Variants in STK33 observed in about 807,000 individuals in gnomAD.
The protein encoded by STK33 is serine/threonine kinase 33.
Under a neutral mutation model 58.0 loss-of-function variants are expected in STK33, and 52 were observed. The observed-to-expected ratio is 0.90, with a 90% confidence interval of 0.72 to 1.13. The LOEUF (loss-of-function observed/expected upper bound fraction) is 1.13, where lower values mean the gene tolerates loss of function less well. STK33 is among the 50% of genes most tolerant of loss of function. The pLI is 0.00. For missense variants in STK33, 630 were observed against 604.2 expected, an observed-to-expected ratio of 1.04 and a Z score of -0.45; for synonymous variants, 215 against 200.1, an observed-to-expected ratio of 1.07 and a Z score of -0.63.
chr11:8,423,640 C>T (rs1450769898), intron 14 of STK33, among the ~76,000 whole-genome samples: 1 of 151,978 alleles, frequency 6.6e-6, no homozygotes. Context: ...TAGGACAAGA[C>T]CAATTTTGGT....
intron 1 of STK33, among the ~76,000 whole-genome samples, chr11:8,537,824 A>T (rs1164437980): frequency 1.4e-5 from 2 of 145,080 alleles, no homozygotes; most frequent in Non-Finnish European, 3.0e-5. Flanking sequence ...AAAAAAAAAA[A>T]TTAAAAAAAT....
intron 1 of STK33, among the ~76,000 whole-genome samples, chr11:8,508,926 G>C (rs566424860): frequency 6.6e-6 from 1 of 152,126 alleles, no homozygotes; most frequent in South Asian, 2.1e-4. Flanking sequence ...AGACCAGCCT[G>C]ACCAACATAG....
chr11:8,569,223 G>C (rs1957641560), intron 1 of STK33, among the ~76,000 whole-genome samples: 1 of 152,182 alleles, frequency 6.6e-6, no homozygotes, highest in Non-Finnish European at 1.5e-5. Context: ...AAAATTGGAA[G>C]ACTCACACTA....
intron 1 of STK33, among the ~76,000 whole-genome samples, chr11:8,586,766 G>C (rs1161918523): frequency 7.0e-6 from 1 of 143,446 alleles, no homozygotes; most frequent in Non-Finnish European, 1.5e-5. Flanking sequence ...GGAGGTTGCA[G>C]TGAGCCAAGA....
chr11:8,393,199 C>T (rs771764612), intron 15 of STK33, among the ~76,000 whole-genome samples: 2 of 152,238 alleles, frequency 1.3e-5, no homozygotes, highest in Non-Finnish European at 2.9e-5. Flanking sequence ...AGTCACACTA[C>T]TCAGGCAGGC....
intron 1 of STK33, among the ~76,000 whole-genome samples, chr11:8,501,626 C>A (rs1286038721): frequency 6.6e-6 from 1 of 152,100 alleles, no homozygotes; most frequent in Non-Finnish European, 1.5e-5. Flanking sequence ...AGCCAGAAAT[C>A]AGTTCGGGAT....
the STK33 span, among the ~76,000 whole-genome samples, chr11:8,346,475 A>C: frequency 6.6e-6 from 1 of 152,214 alleles, no homozygotes; most frequent in African/African-American, 2.4e-5. Flanking sequence ...TAAGAGGAAC[A>C]GTCAGGGTGT....
chr11:8,519,366 C>T (rs1439065254), intron 1 of STK33, among the ~76,000 whole-genome samples: 3 of 152,132 alleles, frequency 2.0e-5, no homozygotes, highest in Admixed American at 6.5e-5. Context: ...ATTTATAGCA[C>T]TAAATGCCCA....
At chr11:8,518,380 C>CA (rs574499459) in intron 1 of STK33, among the ~76,000 whole-genome samples, 1 of 152,104 alleles carries the variant, frequency 6.6e-6, no homozygotes, top group Non-Finnish European at 1.5e-5. Context: ...CCAGCCACTG[C>CA]AAAAAACATG....
intron 1 of STK33, among the ~76,000 whole-genome samples, chr11:8,588,787 G>A (rs150701355): frequency 3.8e-4 from 58 of 151,866 alleles, no homozygotes; most frequent in Admixed American, 3.9e-4. Flanking sequence ...TCTAATATCC[G>A]GACTACATAA....
the STK33 span, among the ~76,000 whole-genome samples, chr11:8,370,504 T>C: frequency 6.6e-6 from 1 of 152,150 alleles, no homozygotes; most frequent in Non-Finnish European, 1.5e-5. Context: ...GCCCCAAAGC[T>C]GAGACTTTCT....
At position 8,416,841 on chromosome 11, in the gene STK33, T is replaced by C. The variant is rs574696666; in HGVS notation, c.1147-3149A>G. Among the ~76,000 whole-genome samples, 5 of 152,272 alleles carry C rather than the reference T, an allele frequency of 3.3e-5. No individual in the cohort carries two copies. In the South Asian group the frequency reaches 8.3e-4, roughly 25 times the overall value. On this transcript the variant is annotated intron_variant, in intron 14 of 15. Transcript: ENST00000687296. ...TTAGCTCTTTGCCTCCTATACTCAC[T>C]TGTGATATCAAGCCTGGACTAGGTG...
the STK33 span, among the ~76,000 whole-genome samples, chr11:8,346,180 C>T: frequency 6.6e-4 from 101 of 152,264 alleles, no homozygotes; most frequent in African/African-American, 2.3e-3. Context: ...ATTACCACTG[C>T]GAGGCCAAAA....
intron 9 of STK33, among the ~76,000 whole-genome samples, chr11:8,455,464 G>C (rs1355677647): frequency 6.6e-6 from 1 of 152,074 alleles, no homozygotes; most frequent in African/African-American, 2.4e-5. Context: ...CACTTCCTTT[G>C]CAAATAATTA....
chr11:8,391,761 T>C (rs1397685440), downstream of STK33: 1 of 152,574 alleles, frequency 6.6e-6, no homozygotes, highest in Non-Finnish European at 1.5e-5. Context: ...CTTCATGATC[T>C]TCCCCAAAGA....
chr11:8,348,666 T>C, the STK33 span, among the ~76,000 whole-genome samples: 10 of 152,214 alleles, frequency 6.6e-5, no homozygotes, highest in Non-Finnish European at 1.3e-4. Flanking sequence ...CTTGACTCAG[T>C]TGTGTAAAAG....
At position 8,589,672 on chromosome 11, in the gene STK33, T is replaced by G. The variant is rs550828459; in HGVS notation, c.-466+4411A>C. On this transcript the variant is annotated intron_variant, in intron 1 of 15. Coordinates refer to ENST00000687296, the MANE Select transcript of STK33 (RefSeq NM_001352389.2). ...GTAAATTATATCTCAATAAAAAAAG[T>G]GAGGTGCAACTATAAAAAGGAGCCA... Among the ~76,000 whole-genome samples, 171 of 152,108 alleles carry G rather than the reference T, an allele frequency of 1.1e-3. 1 individual carries two copies. Among genetic ancestry groups the G allele is most frequent in the Non-Finnish European group, 6.3e-4 (43 of 68,002 alleles).
the STK33 span, among the ~76,000 whole-genome samples, chr11:8,382,712 A>G: frequency 1.3e-5 from 2 of 152,224 alleles, no homozygotes; most frequent in African/African-American, 4.8e-5. Context: ...CCACCCCAGC[A>G]GGAGCTAAGC....
At chr11:8,515,767 G>C (rs1480223208) in intron 1 of STK33, among the ~76,000 whole-genome samples, 1 of 151,938 alleles carries the variant, frequency 6.6e-6, no homozygotes, top group Non-Finnish European at 1.5e-5. Flanking sequence ...AGAAGCATTT[G>C]GATAAAATTC....
Sources: gnomAD v4.1 joint callset for allele counts (sites outside exome capture counted in the v4.1 genomes callset) on GRCh38, gnomAD v4.1.1 for gene constraint, MANE v1.5 for transcripts, NCBI Gene and HGNC (gene_info 2026-07-23, HGNC 2026-07-21) for gene names.